The following PLLP variants were observed in gnomAD, a reference collection of about 807,000 sequenced individuals.
PLLP encodes plasmolipin, also known as plasma membrane proteolipid (plasmolipin).
Under a neutral mutation model 19.7 loss-of-function variants are expected in PLLP, and 15 were observed. The observed-to-expected ratio is 0.76, with a 90% CI of 0.51 to 1.17. PLLP has a LOEUF of 1.17. Among genes scored for constraint, PLLP ranks in the 50% most tolerant of loss-of-function variants. PLLP has a pLI of 0.00. For synonymous variants in PLLP, 111 were observed against 116.3 expected (o/e 0.95, Z 0.29); for missense variants, 255 against 258.3 (o/e 0.99, Z 0.09).
chr16:57,261,454 C>A (rs2075441563), intron 2 of PLLP, among the ~76,000 whole-genome samples: 1 of 152,158 alleles, frequency 6.6e-6, no homozygotes, highest in Non-Finnish European at 1.5e-5. Context: ...TGGTGGCTCA[C>A]TCCTGTACTC....
chr16:57,277,693 T>C (rs1202811086), intron 1 of PLLP, among the ~76,000 whole-genome samples: 3 of 152,144 alleles, frequency 2.0e-5, no homozygotes, highest in South Asian at 2.1e-4. Context: ...CCTAGGTGTA[T>C]TGCCCTGGGG....
chr16:57,284,179 C>T (rs1431300499), intron 1 of PLLP, among the ~76,000 whole-genome samples: 1 of 151,966 alleles, frequency 6.6e-6, no homozygotes, highest in African/African-American at 2.4e-5. Flanking sequence ...TGCTCACGCT[C>T]GCAGCGACGG....
At chr16:57,282,256 CTGTT>C (rs1901229983) in intron 1 of PLLP, among the ~76,000 whole-genome samples, 2 of 146,202 alleles carry the variant, frequency 1.4e-5, no homozygotes, top group Admixed American at 6.9e-5. Context: ...GTGTGTTTGT[CTGTT>C]TGAGACAAAG....
chr16:57,282,008 C>G (rs1245128901), intron 1 of PLLP, among the ~76,000 whole-genome samples: 3 of 152,112 alleles, frequency 2.0e-5, no homozygotes, highest in Non-Finnish European at 4.4e-5. Flanking sequence ...AACTAGACCT[C>G]AATGTCTACG....
At chr16:57,266,612 C>T (rs1355485746) in intron 1 of PLLP, among the ~76,000 whole-genome samples, 1 of 152,152 alleles carries the variant, frequency 6.6e-6, no homozygotes, top group African/African-American at 2.4e-5. Flanking sequence ...GAGGGTGCCA[C>T]GTGGGTATCT....
chr16:57,279,052 C>G (rs112800794), intron 1 of PLLP, among the ~76,000 whole-genome samples: 4,659 of 152,304 alleles, frequency 0.031, 238 homozygotes, highest in African/African-American at 0.11. Context: ...GCTGCAAAGG[C>G]ACCTCTTATG....
chr16:57,284,335 C>T, intron 1 of PLLP, 71 bp downstream of exon 1: 1 of 1,237,906 alleles, frequency 8.1e-7, no homozygotes, highest in Non-Finnish European at 1.0e-6. Context: ...AACGCAGCGC[C>T]GGAGTCCCTC....
chr16:57,257,617 G>T (rs916033882), intron 3 of PLLP, among the ~76,000 whole-genome samples: 10 of 152,186 alleles, frequency 6.6e-5, no homozygotes, highest in African/African-American at 2.4e-4. Flanking sequence ...CTCACTGTGG[G>T]TGTCGCAGGA....
chr16:57,257,229 C>T lies in PLLP; in HGVS notation c.433-200G>A, dbSNP rs141841273. Among the ~76,000 whole-genome samples, 942 of 152,312 alleles carry T rather than the reference C, an allele frequency of 6.2e-3. 9 individuals are homozygous for T. Among genetic ancestry groups the T allele is most frequent in the African/African-American group, 0.021 (888 of 41,564 alleles). ...AACATTACCTTCTAACCATGGGAAA[C>T]AGCTAAGAACCACAGGCAGGGCCTG... On this transcript the variant is annotated intron_variant, in intron 3 of 3. Coordinates refer to ENST00000219207, the MANE Select transcript of PLLP (RefSeq NM_015993.3).
At chr16:57,275,520 C>T (rs1901138578) in intron 1 of PLLP, among the ~76,000 whole-genome samples, 1 of 149,286 alleles carries the variant, frequency 6.7e-6, no homozygotes, top group Non-Finnish European at 1.5e-5. Flanking sequence ...ACAGATACAA[C>T]TGGAGTGAAA....
At chr16:57,283,851 C>A (rs1310179166) in intron 1 of PLLP, among the ~76,000 whole-genome samples, 5 of 152,000 alleles carry the variant, frequency 3.3e-5, no homozygotes, top group Non-Finnish European at 5.9e-5. Flanking sequence ...CCTGAGTGTG[C>A]GTGTTGGGGA....
chr16:57,282,018 G>C (rs1289561322), intron 1 of PLLP, among the ~76,000 whole-genome samples: 1 of 152,038 alleles, frequency 6.6e-6, no homozygotes, highest in Admixed American at 6.6e-5. Context: ...CAATGTCTAC[G>C]TCTGTGTAAT....
intron 1 of PLLP, among the ~76,000 whole-genome samples, chr16:57,275,467 TAATTA>T (rs1311286167): frequency 6.6e-6 from 1 of 151,506 alleles, no homozygotes; most frequent in African/African-American, 2.4e-5. Flanking sequence ...GCTAACAAGG[TAATTA>T]AATACAACAA....
At chr16:57,257,824 T>G (rs753402520) in intron 3 of PLLP, among the ~76,000 whole-genome samples, 1 of 152,158 alleles carries the variant, frequency 6.6e-6, no homozygotes, top group African/African-American at 2.4e-5. Context: ...GTTTTTCACA[T>G]TCTCCAAGGG....
intron 1 of PLLP, among the ~76,000 whole-genome samples, chr16:57,271,490 A>G (rs990647970): frequency 6.6e-6 from 1 of 152,000 alleles, no homozygotes; most frequent in Non-Finnish European, 1.5e-5. Context: ...ATAAAAATAC[A>G]AAAAGTTAGC....
chr16:57,270,876 G>A lies in PLLP; in HGVS notation c.136-8806C>T, dbSNP rs191366749. On this transcript the variant is annotated intron_variant, in intron 1 of 3. Transcript: ENST00000219207. ...GAATAGCCCTAAGCTCTCTTTTCTCGTCGGAAAAATGGGCATGTAAGTTGC... is the reference window on the plus strand; with the variant it reads ...GAATAGCCCTAAGCTCTCTTTTCTCATCGGAAAAATGGGCATGTAAGTTGC... Among the ~76,000 whole-genome samples, 25 of 152,262 alleles carry A rather than the reference G, an allele frequency of 1.6e-4. No homozygotes were observed. In the East Asian group the frequency reaches 3.7e-3, roughly 22 times the overall value.
intron 2 of PLLP, among the ~76,000 whole-genome samples, chr16:57,259,705 T>G (rs1277834490): frequency 6.6e-6 from 1 of 152,186 alleles, no homozygotes; most frequent in African/African-American, 2.4e-5. Context: ...CCGGGTGCAG[T>G]GTGGCTCATG....
At chr16:57,266,863 CTTTTTTTTTTT>C (rs34562097) in intron 1 of PLLP, among the ~76,000 whole-genome samples, 1 of 97,338 alleles carries the variant, frequency 1.0e-5, no homozygotes, top group Non-Finnish European at 2.1e-5. Context: ...GGCACAGGGC[CTTTTTTTTTTT>C]TTTTTTTTTT....
intron 1 of PLLP, among the ~76,000 whole-genome samples, chr16:57,276,750 G>A (rs1401573291): frequency 2.0e-5 from 3 of 152,152 alleles, no homozygotes; most frequent in Non-Finnish European, 4.4e-5. Context: ...GTTGCAGGCA[G>A]GAAGGGTGTG....
Sources: gnomAD v4.1 joint callset for allele counts (sites outside exome capture counted in the v4.1 genomes callset) on GRCh38, gnomAD v4.1.1 for gene constraint, MANE v1.5 for transcripts, NCBI Gene and HGNC (gene_info 2026-07-23, HGNC 2026-07-21) for gene names.